The following STRADA variants were observed in gnomAD, a reference collection of about 807,000 sequenced individuals.
STRADA encodes STE20 related adaptor alpha.
STRADA carries 26 observed loss-of-function variants against 55.0 expected under a neutral mutation model. That is an observed-to-expected ratio of 0.47 (90% CI 0.35 to 0.66). STRADA has a LOEUF of 0.66. Ranked by LOEUF, STRADA falls within the 30% of genes least tolerant of loss-of-function variation. STRADA has a pLI of 0.01. For missense variants in STRADA, 443 were observed against 549.7 expected (o/e 0.81, Z 1.94); for synonymous variants, 197 against 210.9 (o/e 0.93, Z 0.57).
chr17:63,719,098 C>A (rs1488270856), intron 4 of STRADA: 1 of 152,204 alleles, frequency 6.6e-6, no homozygotes, highest in Non-Finnish European at 1.5e-5. Context: ...TGCCCATGAT[C>A]TTTTCATTCC....
intron 1 of STRADA, among the ~76,000 whole-genome samples, chr17:63,730,630 C>A (rs1426950284): frequency 6.6e-6 from 1 of 152,068 alleles, no homozygotes; most frequent in Non-Finnish European, 1.5e-5. Context: ...GATCCTGGCT[C>A]ACTGCAACCT....
At chr17:63,733,843 A>G (rs1366161219) in intron 1 of STRADA, among the ~76,000 whole-genome samples, 1 of 152,198 alleles carries the variant, frequency 6.6e-6, no homozygotes, top group Non-Finnish European at 1.5e-5. Flanking sequence ...CTGGTTGATA[A>G]CATTTCACAC....
At chr17:63,711,283 C>T (rs1423662252) in intron 6 of STRADA, among the ~76,000 whole-genome samples, 4 of 152,220 alleles carry the variant, frequency 2.6e-5, no homozygotes, top group Non-Finnish European at 5.9e-5. Context: ...AGTCCTTCTG[C>T]CTCAGCCTCC....
rs1221257185 is a variant in STRADA, at chr17:63,719,546, C to T, written c.123+3752G>A. On this transcript the variant is annotated intron_variant, in intron 4 of 12. Coordinates refer to ENST00000336174, the MANE Select transcript of STRADA (RefSeq NM_001003787.4). ...TCGCCCAGGCTGGAGTGCAATGGCG[C>T]GATCTCGGCTCACTGCAACCTCCAC... Among the ~76,000 whole-genome samples the T allele has an allele frequency of 5.9e-5, 9 of 151,298 alleles. No individual in the cohort carries two copies. The South Asian group carries it at 6.3e-4, about 11-fold the overall frequency.
At chr17:63,707,219 G>C in intron 9 of STRADA, 28 bp downstream of exon 9, 1 of 1,611,564 alleles carries the variant, frequency 6.2e-7, no homozygotes, top group South Asian at 1.1e-5. Flanking sequence ...AGTTGGGTAG[G>C]GGAGCTCCTC....
intron 4 of STRADA, among the ~76,000 whole-genome samples, chr17:63,718,242 G>A (rs1289587685): frequency 6.6e-6 from 1 of 152,058 alleles, no homozygotes; most frequent in South Asian, 2.1e-4. Flanking sequence ...TTTTTGAAAC[G>A]ATCTCATCTT....
chr17:63,706,862 C>T, intron 9 of STRADA, 123 bp from the exon 10 acceptor site: 1 of 717,322 alleles, frequency 1.4e-6, no homozygotes, highest in South Asian at 1.8e-5. Context: ...AATGACTCTC[C>T]TTGCCTGTGC....
intron 4 of STRADA, 87 bp from the exon 5 acceptor site, chr17:63,714,195 G>A (rs766584795): frequency 1.1e-6 from 1 of 925,468 alleles, no homozygotes; most frequent in Admixed American, 1.9e-5. Context: ...GACCCACGAG[G>A]AGACTGGCAT....
Position 63,705,054 on chromosome 17 carries a change from C to A in STRADA, c.859-472G>T, listed in dbSNP as rs116656123. ...AGCAGGCCACACGGGAGCAAGATGC[C>A]CAAGGGGAGGCCAGGCTGGGTGGCT... On this transcript the variant is annotated intron_variant, in intron 10 of 12. Coordinates refer to ENST00000336174, the MANE Select transcript of STRADA (RefSeq NM_001003787.4). 567 of 806,390 alleles carry A rather than the reference C, an allele frequency of 7.0e-4. 2 individuals carry two copies. The African/African-American group carries it at 8.9e-3, about 13-fold the overall frequency. The allele number at this position is 806,390 out of a possible 1,614,324, so 50.0% of individuals were successfully genotyped here. A position where few individuals can be genotyped will look rare whatever the true frequency, so the allele number is the denominator to read the frequency against.
intron 1 of STRADA, among the ~76,000 whole-genome samples, chr17:63,737,740 T>C (rs1280372500): frequency 1.3e-5 from 2 of 152,192 alleles, no homozygotes; most frequent in Non-Finnish European, 2.9e-5. Context: ...TTGGGTACAG[T>C]GGCTCATGCC....
At chr17:63,707,179 C>T in intron 9 of STRADA, 68 bp downstream of exon 9, 1 of 1,589,370 alleles carries the variant, frequency 6.3e-7, no homozygotes, top group South Asian at 1.1e-5. Context: ...CGACTCCAGG[C>T]AATGCCTGAA....
At position 63,705,005 on chromosome 17, in the gene STRADA, TGCCACA is replaced by T. The variant is rs2035987835; in HGVS notation, c.859-429_859-424del. 2.6e-6 allele frequency: 3 copies of T among 1,172,712 alleles called. No individual in the cohort carries two copies. In the South Asian group the frequency reaches 3.9e-5, roughly 15 times the overall value. The allele number at this position is 1,172,712 out of a possible 1,614,324, so 72.6% of individuals were successfully genotyped here. A position where few individuals can be genotyped will look rare whatever the true frequency, so the allele number is the denominator to read the frequency against. ...GAGGTCTGAGAGGCAGTCCCTGCAG[TGCCACA>T]GCCTGGGCTGTCGCTGCAGCAGGCC... On this transcript the variant is annotated intron_variant, in intron 10 of 12. Coordinates refer to ENST00000336174, the MANE Select transcript of STRADA (RefSeq NM_001003787.4).
At chr17:63,728,760 A>G (rs866584696) in intron 1 of STRADA, among the ~76,000 whole-genome samples, 12 of 117,812 alleles carry the variant, frequency 1.0e-4, no homozygotes, top group African/African-American at 3.6e-4. Flanking sequence ...AAAAAAAAAA[A>G]GCCAGGCAAG....
chr17:63,719,785 A>G (rs2037165093), intron 4 of STRADA, among the ~76,000 whole-genome samples: 1 of 151,994 alleles, frequency 6.6e-6, no homozygotes. Context: ...CGCCCGGCAG[A>G]TAGATACTTC....
intron 11 of STRADA, 25 bp from the exon 12 acceptor site, chr17:63,704,072 C>T (rs763405972): frequency 1.1e-5 from 17 of 1,609,692 alleles, no homozygotes; most frequent in African/African-American, 2.7e-5. Context: ...GAGGAGAGAC[C>T]GCAGCATCAC....
At chr17:63,736,839 C>A (rs1480492353) in intron 1 of STRADA, among the ~76,000 whole-genome samples, 3 of 53,522 alleles carry the variant, frequency 5.6e-5, no homozygotes, top group East Asian at 3.2e-4. Context: ...TCCCCCCACG[C>A]CCCCCCCACC....
intron 4 of STRADA, among the ~76,000 whole-genome samples, chr17:63,720,312 C>T (rs1362959896): frequency 1.3e-5 from 2 of 151,990 alleles, no homozygotes; most frequent in Non-Finnish European, 2.9e-5. Context: ...GTAGCTAGGA[C>T]TACCAGTGTG....
chr17:63,728,434 G>A (rs1218260027), intron 1 of STRADA, 21 bp from the exon 2 acceptor site: 1 of 1,412,514 alleles, frequency 7.1e-7, no homozygotes, highest in Non-Finnish European at 9.7e-7. Context: ...AATAGAAACA[G>A]GTTGAGTTAG....
At chr17:63,713,888 C>T in intron 5 of STRADA, 118 bp downstream of exon 5, 7 of 823,990 alleles carry the variant, frequency 8.5e-6, no homozygotes, top group East Asian at 4.9e-5. Context: ...AAGTCTGTGC[C>T]CATGAATCCT....
Sources: gnomAD v4.1 joint callset for allele counts (sites outside exome capture counted in the v4.1 genomes callset) on GRCh38, gnomAD v4.1.1 for gene constraint, MANE v1.5 for transcripts, NCBI Gene and HGNC (gene_info 2026-07-23, HGNC 2026-07-21) for gene names.